BZW2: variants seen among roughly 807,000 people sequenced by gnomAD.
BZW2 encodes the protein basic leucine zipper and W2 domains 2, also known as eIF5-mimic protein 1.
In BZW2, 23 loss-of-function variants were observed where a neutral mutation model predicts 53.2. The ratio of observed to expected loss-of-function variants is 0.43; its 90% CI spans 0.31 to 0.61. The LOEUF (loss-of-function observed/expected upper bound fraction) is 0.61, where lower values mean the gene tolerates loss of function less well. BZW2 is among the 20% of genes least tolerant of loss of function. The pLI, the probability that BZW2 is intolerant of heterozygous loss-of-function variation, is 0.09. For synonymous variants in BZW2, 227 were observed against 186.4 expected (o/e 1.22, Z -1.77); for missense variants, 409 against 503.1 (o/e 0.81, Z 1.79).
chr7:16,706,168 T>G lies in BZW2; in HGVS notation c.*80T>G. The stretch of plus-strand genomic sequence containing the variant: ...TGCTGAACCATTTGAGAAGAGAAAC[T>G]TGGCTTCTGTTTTCGCAAAGGAAAA... On this transcript the variant is annotated 3_prime_UTR_variant, in exon 12 of 12. Coordinates refer to ENST00000258761, the MANE Select transcript of BZW2 (RefSeq NM_014038.3). The G allele has an allele frequency of 3.4e-6, 5 of 1,489,104 alleles. No individual in the cohort carries two copies. The highest frequency in any genetic ancestry group is 4.6e-6 in the Non-Finnish European group (5 of 1,085,346). The allele number at this position is 1,489,104 out of a possible 1,614,324, so 92.2% of individuals were successfully genotyped here.
At position 16,706,055 on chromosome 7, in the gene BZW2, C is replaced by G; in HGVS notation, c.1232-5C>G. The G allele has an allele frequency of 1.9e-6, 3 of 1,613,680 alleles. No homozygotes were observed. The highest frequency in any genetic ancestry group is 2.5e-6 in the Non-Finnish European group (3 of 1,179,812). ...GAAATATCTCACTTCTTTCTTCTCT[C>G]CTAGAATCCGAATCGGAAGGTGAGG... On this transcript the variant is annotated splice_polypyrimidine_tract_variant and splice_region_variant and intron_variant, in intron 11 of 11. Transcript: ENST00000258761.
intron 5 of BZW2, among the ~76,000 whole-genome samples, chr7:16,684,207 TG>T (rs1459158916): frequency 6.6e-6 from 1 of 152,158 alleles, no homozygotes; most frequent in Non-Finnish European, 1.5e-5. Flanking sequence ...TAAGTGGAAA[TG>T]CGAGGTGCAA....
intron 3 of BZW2, among the ~76,000 whole-genome samples, chr7:16,678,463 G>A (rs560580492): frequency 1.9e-4 from 29 of 152,202 alleles, no homozygotes; most frequent in South Asian, 6.2e-4. Flanking sequence ...CTCCAAAAAC[G>A]TTAGAAATGG....
intron 2 of BZW2, among the ~76,000 whole-genome samples, chr7:16,671,757 C>A (rs1423918475): frequency 6.6e-6 from 1 of 151,890 alleles, no homozygotes; most frequent in East Asian, 1.9e-4. Flanking sequence ...ATGGCAAGAT[C>A]CTGTCTGTAC....
intron 3 of BZW2, among the ~76,000 whole-genome samples, chr7:16,677,051 C>CTTTTTTTTTTT (rs10660587): frequency 7.7e-6 from 1 of 130,072 alleles, no homozygotes; most frequent in Non-Finnish European, 1.6e-5. Context: ...GCCCAGATTT[C>CTTTTTTTTTTT]TTTTTTTTTT....
chr7:16,668,387 G>A (rs568913776), intron 2 of BZW2, among the ~76,000 whole-genome samples: 9 of 152,290 alleles, frequency 5.9e-5, no homozygotes, highest in African/African-American at 1.7e-4. Context: ...GAGCCACTGA[G>A]AAATATATAT....
At chr7:16,685,366 GAAAAGTATATATT>G (rs1255694559) in intron 5 of BZW2, among the ~76,000 whole-genome samples, 1 of 150,584 alleles carries the variant, frequency 6.6e-6, no homozygotes, top group Non-Finnish European at 1.5e-5. Context: ...CGTGAGCTCA[GAAAAGTATATATT>G]AAATGTCAAA....
intron 8 of BZW2, among the ~76,000 whole-genome samples, chr7:16,696,490 G>C (rs987549015): frequency 6.6e-6 from 1 of 152,158 alleles, no homozygotes; most frequent in Non-Finnish European, 1.5e-5. Context: ...GTGGAGAATG[G>C]ACCTGTACAA....
At chr7:16,651,541 A>G (rs1158609948) in intron 1 of BZW2, among the ~76,000 whole-genome samples, 3 of 152,242 alleles carry the variant, frequency 2.0e-5, no homozygotes, top group Non-Finnish European at 4.4e-5. Context: ...ATAAACAGGA[A>G]AGAGAACCCC....
intron 8 of BZW2, among the ~76,000 whole-genome samples, chr7:16,695,617 C>T (rs1562496276): frequency 6.6e-6 from 1 of 152,020 alleles, no homozygotes; most frequent in East Asian, 1.9e-4. Flanking sequence ...ATGACTATAT[C>T]TTTTTTTTAT....
At chr7:16,668,151 G>A (rs548062936) in intron 2 of BZW2, among the ~76,000 whole-genome samples, 1 of 152,166 alleles carries the variant, frequency 6.6e-6, no homozygotes, top group Admixed American at 6.5e-5. Flanking sequence ...TAATCTCAGA[G>A]CTGGATCTCC....
chr7:16,680,189 T>C (rs1474206037), intron 3 of BZW2, among the ~76,000 whole-genome samples: 1 of 152,118 alleles, frequency 6.6e-6, no homozygotes, highest in Non-Finnish European at 1.5e-5. Context: ...ATGAGTCAGA[T>C]CTGGTCAGTT....
chr7:16,676,538 A>G (rs1006916291), intron 3 of BZW2, among the ~76,000 whole-genome samples: 3 of 151,966 alleles, frequency 2.0e-5, no homozygotes, highest in Non-Finnish European at 2.9e-5. Flanking sequence ...CATTATATTT[A>G]ATATTTTATC....
At chr7:16,656,150 TAC>T (rs1554264391) in intron 1 of BZW2, among the ~76,000 whole-genome samples, 2 of 150,164 alleles carry the variant, frequency 1.3e-5, no homozygotes, top group South Asian at 2.1e-4. Context: ...TATATATATA[TAC>T]ATAAATATTT....
intron 1 of BZW2, among the ~76,000 whole-genome samples, chr7:16,662,418 G>T (rs933035196): frequency 6.6e-6 from 1 of 152,112 alleles, no homozygotes; most frequent in Non-Finnish European, 1.5e-5. Context: ...TTTATGCTTA[G>T]AAAGGAAGTA....
chr7:16,666,424 G>GTTTATTTATTT (rs1782430334), intron 2 of BZW2, among the ~76,000 whole-genome samples: 1 of 77,230 alleles, frequency 1.3e-5, no homozygotes, highest in African/African-American at 6.9e-5. Flanking sequence ...TTTATTTAGA[G>GTTTATTTATTT]ACGGAGTCTT....
chr7:16,687,723 A>T (rs78396060), intron 6 of BZW2, among the ~76,000 whole-genome samples: 16,354 of 151,582 alleles, frequency 0.11, 1,022 homozygotes, highest in Non-Finnish European at 0.14. Context: ...TATCTAAAAT[A>T]AAAAAAAAGA....
chr7:16,670,830 G>A (rs916796115), intron 2 of BZW2, among the ~76,000 whole-genome samples: 1 of 152,154 alleles, frequency 6.6e-6, no homozygotes, highest in African/African-American at 2.4e-5. Flanking sequence ...TTTGCTTACA[G>A]CATCAAAAGG....
At chr7:16,649,909 T>G (rs1781946386) in intron 1 of BZW2, among the ~76,000 whole-genome samples, 3 of 152,144 alleles carry the variant, frequency 2.0e-5, no homozygotes, top group African/African-American at 7.2e-5. Context: ...ATGAGTATAT[T>G]CACTTGATTA....
Sources: allele counts gnomAD v4.1 joint callset (sites outside exome capture counted in the v4.1 genomes callset), GRCh38; gene constraint gnomAD v4.1.1; transcripts MANE v1.5; gene names NCBI Gene and HGNC (gene_info 2026-07-23, HGNC 2026-07-21).